The following KCNH7 variants were observed in gnomAD, a reference collection of about 807,000 sequenced individuals.
KCNH7 encodes potassium voltage-gated channel subfamily H member 7.
A neutral mutation model predicts 120.8 loss-of-function variants in KCNH7; 49 were observed. The ratio of observed to expected loss-of-function variants is 0.41; its 90% CI spans 0.32 to 0.51. The LOEUF is 0.51. Among genes scored for constraint, KCNH7 ranks in the 20% least tolerant of loss-of-function variants. The pLI is 0.38. For synonymous variants in KCNH7, 547 were observed against 516.1 expected, an observed-to-expected ratio of 1.06 and a Z score of -0.81; for missense variants, 1,097 against 1,446.6, an observed-to-expected ratio of 0.76 and a Z score of 3.92.
In KCNH7 at chr2:162,418,269, C is replaced by T. The variant is rs78393952; in HGVS notation, c.2154+5067G>A. On this transcript the variant is annotated intron_variant, in intron 9 of 15. Coordinates refer to ENST00000332142, the MANE Select transcript of KCNH7 (RefSeq NM_033272.4). ...ATGTAGGTTTTGGCCAATCTTTATA[C>T]CCCCTTTTAAATGCATGGAGGATTA... Among the ~76,000 whole-genome samples the T allele has an allele frequency of 8.2e-3, 1,244 of 152,160 alleles. 20 individuals carry two copies. The highest frequency in any genetic ancestry group is 0.029 in the African/African-American group (1,189 of 41,508).
intron 2 of KCNH7, among the ~76,000 whole-genome samples, chr2:162,652,457 G>A (rs1048735337): frequency 2.0e-5 from 3 of 152,114 alleles, no homozygotes; most frequent in African/African-American, 7.2e-5. Flanking sequence ...GTGGGGGATT[G>A]TTTCAGGATG....
In KCNH7 at chr2:162,654,217, T is replaced by G. The variant is rs536733038; in HGVS notation, c.308-117137A>C. On this transcript the variant is annotated intron_variant, in intron 2 of 15. Coordinates refer to ENST00000332142, the MANE Select transcript of KCNH7 (RefSeq NM_033272.4). ...CATTAGAGTGAAGAGACCTATGGAA[T>G]AGGAGAGAATATTTACAAACCATAC... Among the ~76,000 whole-genome samples the G allele has an allele frequency of 5.3e-5, 8 of 151,536 alleles. No individual in the cohort carries two copies. In the South Asian group the frequency reaches 1.7e-3, roughly 32 times the overall value.
chr2:162,378,656 T>C (rs561756427), intron 14 of KCNH7, among the ~76,000 whole-genome samples: 1 of 152,280 alleles, frequency 6.6e-6, no homozygotes, highest in Admixed American at 6.5e-5. Flanking sequence ...TACATAGAGA[T>C]GGAAAGAACA....
At chr2:162,415,806 T>C (rs1687525296) in intron 9 of KCNH7, among the ~76,000 whole-genome samples, 1 of 152,208 alleles carries the variant, frequency 6.6e-6, no homozygotes, top group African/African-American at 2.4e-5. Flanking sequence ...TTCTCATATT[T>C]AGAAAGCATG....
Position 162,384,740 on chromosome 2 carries a change from T to C in KCNH7, c.2910A>G (p.Thr970=). ...GKASGLDFEE[T]VPTSGRMHID... is the part of the protein sequence containing the mutation. Reference sequence around the variant, plus strand: ...TGTGCATTCTTCCTGAGGTGGGCACTGTTTCTTCAAAATCGAGCCCAGATG... The same window carrying C: ...TGTGCATTCTTCCTGAGGTGGGCACCGTTTCTTCAAAATCGAGCCCAGATG... Residue 970 remains threonine (T), a synonymous_variant, in exon 13 of 16, where the codon ACA becomes ACG. Coordinates refer to ENST00000332142, the MANE Select transcript of KCNH7 (RefSeq NM_033272.4). The C allele has an allele frequency of 6.2e-7, 1 of 1,612,714 alleles. No homozygotes were observed. Among genetic ancestry groups the C allele is most frequent in the Non-Finnish European group, 8.5e-7 (1 of 1,178,980 alleles).
chr2:162,698,270 G>A (rs888588724), intron 2 of KCNH7, among the ~76,000 whole-genome samples: 2 of 152,076 alleles, frequency 1.3e-5, no homozygotes, highest in Non-Finnish European at 2.9e-5. Context: ...CCTCTGTCTA[G>A]AAATGTTATG....
At chr2:162,478,911 A>G (rs1357934955) in intron 6 of KCNH7, among the ~76,000 whole-genome samples, 1 of 152,162 alleles carries the variant, frequency 6.6e-6, no homozygotes, top group East Asian at 1.9e-4. Context: ...ACTCCAGAAC[A>G]TGTCCTTAAT....
chr2:162,649,608 C>G (rs1386055014), intron 2 of KCNH7, among the ~76,000 whole-genome samples: 1 of 151,292 alleles, frequency 6.6e-6, no homozygotes, highest in Non-Finnish European at 1.5e-5. Context: ...AACCTGAGAA[C>G]AAATCCTATA....
At chr2:162,430,012 A>G (rs1688012729) in intron 8 of KCNH7, among the ~76,000 whole-genome samples, 1 of 151,786 alleles carries the variant, frequency 6.6e-6, no homozygotes, top group African/African-American at 2.4e-5. Context: ...TGGGCACTAT[A>G]CATTTAACCT....
At chr2:162,598,251 A>C (rs1004206203) in intron 2 of KCNH7, among the ~76,000 whole-genome samples, 15 of 152,208 alleles carry the variant, frequency 9.9e-5, no homozygotes, top group African/African-American at 3.1e-4. Context: ...TGTGGATGTT[A>C]CCATCTAGTT....
chr2:162,446,509 A>G (rs943811058), intron 6 of KCNH7, 66 bp from the exon 7 acceptor site: 7 of 1,171,592 alleles, frequency 6.0e-6, no homozygotes, highest in Admixed American at 2.6e-5. Context: ...AAACCTATCA[A>G]ATATTAAGGG....
chr2:162,751,937 T>C (rs931903215), intron 2 of KCNH7, among the ~76,000 whole-genome samples: 1 of 152,018 alleles, frequency 6.6e-6, no homozygotes, highest in Non-Finnish European at 1.5e-5. Context: ...AAAAAAATAA[T>C]ATTTTTAACA....
intron 2 of KCNH7, among the ~76,000 whole-genome samples, chr2:162,674,662 C>G (rs990714720): frequency 6.6e-6 from 1 of 151,524 alleles, no homozygotes; most frequent in African/African-American, 2.4e-5. Flanking sequence ...AGCAATTCAA[C>G]AAAACAGAAA....
chr2:162,385,797 C>T (rs566425790), intron 12 of KCNH7, among the ~76,000 whole-genome samples: 1 of 151,948 alleles, frequency 6.6e-6, no homozygotes, highest in African/African-American at 2.4e-5. Context: ...CACTCTACGC[C>T]TCAGTGTGCT....
chr2:162,750,093 G>A (rs1403546259), intron 2 of KCNH7, among the ~76,000 whole-genome samples: 1 of 152,140 alleles, frequency 6.6e-6, no homozygotes, highest in African/African-American at 2.4e-5. Flanking sequence ...TAACATGGAG[G>A]AGATAAGGAT....
chr2:162,487,722 T>C (rs1690149481), intron 6 of KCNH7, among the ~76,000 whole-genome samples: 1 of 152,182 alleles, frequency 6.6e-6, no homozygotes, highest in Non-Finnish European at 1.5e-5. Context: ...GGGGAAAATG[T>C]ATTACCCACA....
chr2:162,760,720 A>C (rs1688940104), intron 2 of KCNH7, among the ~76,000 whole-genome samples: 1 of 152,064 alleles, frequency 6.6e-6, no homozygotes. Context: ...GTTGGTATGC[A>C]TACAAATAAG....
At chr2:162,660,526 ATGTG>A (rs1233241234) in intron 2 of KCNH7, among the ~76,000 whole-genome samples, 1 of 152,160 alleles carries the variant, frequency 6.6e-6, no homozygotes, top group African/African-American at 2.4e-5. Flanking sequence ...ATGGCATAGA[ATGTG>A]TTCTATTCTG....
At chr2:162,577,010 C>T (rs1291767379) in intron 2 of KCNH7, among the ~76,000 whole-genome samples, 3 of 151,788 alleles carry the variant, frequency 2.0e-5, no homozygotes, top group Non-Finnish European at 2.9e-5. Context: ...CTCTTGGGCT[C>T]AAGTGATCCA....
Sources: allele counts gnomAD v4.1 joint callset (sites outside exome capture counted in the v4.1 genomes callset), GRCh38; gene constraint gnomAD v4.1.1; transcripts MANE v1.5; gene names NCBI Gene and HGNC (gene_info 2026-07-23, HGNC 2026-07-21).